PRDM2: variants seen among roughly 807,000 people sequenced by gnomAD.
PRDM2 encodes the protein PR domain zinc finger protein 2.
A neutral mutation model predicts 130.0 loss-of-function variants in PRDM2; 30 were observed. The ratio of observed to expected loss-of-function variants is 0.23; its 90% confidence interval spans 0.17 to 0.31. PRDM2 has a LOEUF of 0.31. Ranked by LOEUF, PRDM2 falls within the 10% of genes least tolerant of loss-of-function variation. PRDM2 has a pLI of 1.00. For missense variants in PRDM2, 2,011 were observed against 2,108.4 expected, an observed-to-expected ratio of 0.95 and a Z score of 0.90; for synonymous variants, 871 against 782.4, an observed-to-expected ratio of 1.11 and a Z score of -1.89.
rs972504422 is a variant in PRDM2 at position 13,782,033 on chromosome 1, C to T, written c.4238C>T (p.Ser1413Leu). 10 of 1,613,814 alleles carry T rather than the reference C, an allele frequency of 6.2e-6. No homozygotes were observed. Among genetic ancestry groups the T allele is most frequent in the African/African-American group, 4.0e-5 (3 of 74,816 alleles). Reference protein sequence around the residue: ...LNFSVELSKMSSNKLKLNALK... With the variant: ...LNFSVELSKMLSNKLKLNALK... ...TTTAGTGTTGAGCTCAGCAAAATGT[C>T]GTCGAATAAGCTCAAATTAAATGCA... Residue 1413 changes from serine (S) to leucine (L), a missense_variant, in exon 8 of 10, where the codon TCG becomes TTG. Transcript: ENST00000311066.
chr1:13,783,735 T>C (rs1006993907), intron 8 of PRDM2, among the ~76,000 whole-genome samples: 2 of 152,244 alleles, frequency 1.3e-5, no homozygotes, highest in African/African-American at 4.8e-5. Flanking sequence ...TTGGAATTCC[T>C]GCTGTTTCTG....
At position 13,799,058 on chromosome 1, in the gene PRDM2, C is replaced by CA. The variant is rs537523827; in HGVS notation, c.5036+16228dup. On this transcript the variant is annotated intron_variant, in intron 8 of 9. Transcript: ENST00000311066. ...GTCAGCTGGATCAAAGGGTAACAAA[C>CA]ACAAGCACTCCAGGCAAACACAGAG... 8.6e-4 allele frequency among the ~76,000 whole-genome samples: 131 copies of CA among 152,310 alleles called. 2 individuals are homozygous for CA. Among genetic ancestry groups the CA allele is most frequent in the Non-Finnish European group, 2.4e-4 (16 of 68,034 alleles).
intron 6 of PRDM2, among the ~76,000 whole-genome samples, chr1:13,762,617 C>G (rs982391055): frequency 6.6e-6 from 1 of 152,166 alleles, no homozygotes; most frequent in Non-Finnish European, 1.5e-5. Flanking sequence ...ATTACTTTAC[C>G]CCTATATTGG....
chr1:13,820,682 G>C (rs916313041), intron 9 of PRDM2, among the ~76,000 whole-genome samples: 1 of 151,252 alleles, frequency 6.6e-6, no homozygotes, highest in African/African-American at 2.4e-5. Flanking sequence ...GGGTGTAGAG[G>C]TCGCCCATCC....
chr1:13,795,372 A>C (rs1644907279), intron 8 of PRDM2, among the ~76,000 whole-genome samples: 1 of 152,210 alleles, frequency 6.6e-6, no homozygotes, highest in South Asian at 2.1e-4. Context: ...GAAGTCAAGC[A>C]ATTTGCCTGA....
At chr1:13,776,846 C>T (rs1644485780) in intron 7 of PRDM2, among the ~76,000 whole-genome samples, 1 of 152,140 alleles carries the variant, frequency 6.6e-6, no homozygotes, top group African/African-American at 2.4e-5. Flanking sequence ...GGACACAATC[C>T]TCTCATCCCT....
rs183803838 is a variant in PRDM2, at chr1:13,761,888, T to A, written c.512-11190T>A. Among the ~76,000 whole-genome samples the A allele has an allele frequency of 2.0e-5, 3 of 152,344 alleles. No individual in the cohort carries two copies. In the East Asian group the frequency reaches 5.8e-4, roughly 29 times the overall value. On this transcript the variant is annotated intron_variant, in intron 6 of 9. Coordinates refer to ENST00000311066, the MANE Select transcript of PRDM2 (RefSeq NM_001393986.1). ...ACAGAATTCTCTCTAACTTCTGTCT[T>A]CATTGGACTTGTACATTTTTATAAT...
chr1:13,701,497 A>G (rs1442631792), intron 1 of PRDM2, among the ~76,000 whole-genome samples: 1 of 152,174 alleles, frequency 6.6e-6, no homozygotes, highest in Admixed American at 6.5e-5. Flanking sequence ...ACATATATTA[A>G]GGAGGAGGAA....
intron 8 of PRDM2, among the ~76,000 whole-genome samples, chr1:13,785,932 G>A (rs1021690237): frequency 2.7e-5 from 4 of 150,220 alleles, no homozygotes; most frequent in Non-Finnish European, 5.9e-5. Context: ...TCTGCCTCCC[G>A]GGTTCACGCC....
Position 13,710,109 on chromosome 1 carries a change from C to G in PRDM2, c.-65-5432C>G, listed in dbSNP as rs189447053. On this transcript the variant is annotated intron_variant, in intron 1 of 9. Transcript: ENST00000311066. Reference sequence around the variant, plus strand: ...TTTCATATAGATTTGTAGATTTTTACAAGTCCGTAAAGGGCAGATATGAAG... The same window carrying G: ...TTTCATATAGATTTGTAGATTTTTAGAAGTCCGTAAAGGGCAGATATGAAG... Among the ~76,000 whole-genome samples, 515 of 152,302 alleles carry G rather than the reference C, an allele frequency of 3.4e-3. 5 individuals carry two copies. The highest frequency in any genetic ancestry group is 0.012 in the African/African-American group (498 of 41,558).
At chr1:13,795,752 G>A (rs1644913317) in intron 8 of PRDM2, among the ~76,000 whole-genome samples, 1 of 152,202 alleles carries the variant, frequency 6.6e-6, no homozygotes, top group Non-Finnish European at 1.5e-5. Flanking sequence ...CATCCCTCCA[G>A]CTTTGTTAGA....
intron 8 of PRDM2, among the ~76,000 whole-genome samples, chr1:13,807,375 G>C (rs532516114): frequency 6.6e-6 from 1 of 152,220 alleles, no homozygotes; most frequent in African/African-American, 2.4e-5. Flanking sequence ...AGGTGCCTCC[G>C]TGACAAACCA....
At chr1:13,820,160 C>T (rs542207861) in intron 9 of PRDM2, among the ~76,000 whole-genome samples, 1 of 152,272 alleles carries the variant, frequency 6.6e-6, no homozygotes, top group Non-Finnish European at 1.5e-5. Context: ...TTGGGCCGTG[C>T]CTCCTTGCAA....
intron 8 of PRDM2, among the ~76,000 whole-genome samples, chr1:13,789,718 T>TA (rs1025548242): frequency 5.3e-5 from 8 of 152,146 alleles, no homozygotes; most frequent in East Asian, 3.9e-4. Context: ...CTTGAATCCA[T>TA]AAAAAAAATC....
chr1:13,749,153 G>T (rs1003323887), intron 5 of PRDM2, among the ~76,000 whole-genome samples: 19 of 151,960 alleles, frequency 1.3e-4, no homozygotes, highest in Admixed American at 8.5e-4. Flanking sequence ...CCCACGCCGC[G>T]GGTGCGGTCC....
chr1:13,773,225 TGTA>T, intron 7 of PRDM2, 37 bp downstream of exon 7: 1 of 1,228,342 alleles, frequency 8.1e-7, no homozygotes, highest in Non-Finnish European at 1.1e-6. Flanking sequence ...GAATTGGGTG[TGTA>T]TGTACCCAGT....
chr1:13,736,295 G>T (rs998492744), intron 4 of PRDM2, among the ~76,000 whole-genome samples: 2 of 151,770 alleles, frequency 1.3e-5, no homozygotes, highest in Non-Finnish European at 2.9e-5. Flanking sequence ...TGTATTTTTG[G>T]TAGAGATGGG....
intron 1 of PRDM2, among the ~76,000 whole-genome samples, chr1:13,703,092 T>G (rs1050685806): frequency 6.6e-6 from 1 of 152,226 alleles, no homozygotes; most frequent in Admixed American, 6.5e-5. Flanking sequence ...CTCTCTCTTT[T>G]TGAAGCTACA....
chr1:13,714,633 T>C (rs1569698144), intron 1 of PRDM2, among the ~76,000 whole-genome samples: 1 of 152,210 alleles, frequency 6.6e-6, no homozygotes, highest in Non-Finnish European at 1.5e-5. Context: ...CACTAAATTA[T>C]GTATTCTTTG....
Sources: allele counts gnomAD v4.1 joint callset (sites outside exome capture counted in the v4.1 genomes callset), GRCh38; gene constraint gnomAD v4.1.1; transcripts MANE v1.5; gene names NCBI Gene and HGNC (gene_info 2026-07-23, HGNC 2026-07-21).